Variants in CNTLN observed in about 807,000 individuals in gnomAD.
CNTLN encodes centlein, also known as centlein, centrosomal protein.
In CNTLN, 212 loss-of-function variants were observed where a neutral mutation model predicts 180.0. That is an observed-to-expected ratio of 1.18 (90% CI 1.05 to 1.32). The LOEUF (loss-of-function observed/expected upper bound fraction) is 1.32. CNTLN is among the 40% of genes most tolerant of loss of function. The pLI is 0.00. For synonymous variants in CNTLN, 722 were observed against 563.1 expected (o/e 1.28, Z -3.99); for missense variants, 2,095 against 1,610.9 (o/e 1.30, Z -5.14).
intron 2 of CNTLN, among the ~76,000 whole-genome samples, chr9:17,178,865 G>C (rs575270892): frequency 6.6e-6 from 1 of 152,290 alleles, no homozygotes; most frequent in Non-Finnish European, 1.5e-5. Flanking sequence ...CTCCTGAAGC[G>C]TGGCCAGAGT....
At chr9:17,403,453 C>T (rs1268232132) in intron 15 of CNTLN, among the ~76,000 whole-genome samples, 1 of 150,558 alleles carries the variant, frequency 6.6e-6, no homozygotes, top group Non-Finnish European at 1.5e-5. Flanking sequence ...TTGCAAATCC[C>T]AAAAAAAAGC....
chr9:17,253,354 G>C (rs368021735), intron 5 of CNTLN, among the ~76,000 whole-genome samples: 1 of 151,662 alleles, frequency 6.6e-6, no homozygotes, highest in African/African-American at 2.4e-5. Context: ...ATTGCTTTGG[G>C]CAGTTTGGTC....
chr9:17,409,142 C>T, intron 15 of CNTLN, 151 bp from the exon 16 acceptor site: 1 of 620,434 alleles, frequency 1.6e-6, no homozygotes, highest in South Asian at 2.1e-5. Flanking sequence ...GATTCATTTT[C>T]CCTTTCACAT....
chr9:17,294,478 T>C (rs1817653513), intron 6 of CNTLN, among the ~76,000 whole-genome samples: 1 of 151,616 alleles, frequency 6.6e-6, no homozygotes, highest in South Asian at 2.1e-4. Flanking sequence ...CCACAAACCC[T>C]GAGGTAGACA....
intron 5 of CNTLN, among the ~76,000 whole-genome samples, chr9:17,246,838 T>C (rs1825823950): frequency 6.6e-6 from 1 of 152,076 alleles, no homozygotes; most frequent in African/African-American, 2.4e-5. Flanking sequence ...GGCTCTTTAG[T>C]CAGCAGGAGA....
chr9:17,494,363 T>G (rs1404211524), intron 25 of CNTLN, among the ~76,000 whole-genome samples: 1 of 151,990 alleles, frequency 6.6e-6, no homozygotes, highest in Non-Finnish European at 1.5e-5. Flanking sequence ...AGCTGAAAAT[T>G]TTTTTTTAAT....
intron 7 of CNTLN, among the ~76,000 whole-genome samples, chr9:17,304,298 A>T (rs945141728): frequency 9.9e-5 from 15 of 152,154 alleles, no homozygotes; most frequent in Non-Finnish European, 1.8e-4. Context: ...AAATAAAAGT[A>T]ATCTAATGTG....
intron 19 of CNTLN, among the ~76,000 whole-genome samples, chr9:17,459,108 G>A (rs991279120): frequency 5.9e-5 from 9 of 151,618 alleles, no homozygotes; most frequent in Non-Finnish European, 7.4e-5. Context: ...GTCCAGTATT[G>A]TCTAATCTGA....
At chr9:17,380,645 G>A (rs974884860) in intron 13 of CNTLN, among the ~76,000 whole-genome samples, 4 of 152,168 alleles carry the variant, frequency 2.6e-5, no homozygotes, top group African/African-American at 9.7e-5. Flanking sequence ...GTTTGGCCAG[G>A]AGCTAGATTC....
chr9:17,334,078 G>C (rs964719828), intron 10 of CNTLN, among the ~76,000 whole-genome samples: 1 of 151,894 alleles, frequency 6.6e-6, no homozygotes, highest in African/African-American at 2.4e-5. Context: ...TCTTTCCCTT[G>C]AGACAGAGTC....
At chr9:17,316,614 A>G (rs1276492466) in intron 8 of CNTLN, among the ~76,000 whole-genome samples, 1 of 152,152 alleles carries the variant, frequency 6.6e-6, no homozygotes, top group Non-Finnish European at 1.5e-5. Flanking sequence ...TTGAAAAATC[A>G]TAAGGTAAAC....
intron 6 of CNTLN, among the ~76,000 whole-genome samples, chr9:17,290,535 A>G (rs1437673892): frequency 1.4e-5 from 2 of 142,890 alleles, no homozygotes; most frequent in African/African-American, 5.1e-5. Context: ...GGTGGGCTCC[A>G]CCCAGTTCGA....
At chr9:17,299,751 T>A in intron 7 of CNTLN, 1 of 978,710 alleles carries the variant, frequency 1.0e-6, no homozygotes, top group Non-Finnish European at 1.2e-6. Flanking sequence ...TTATTAATAC[T>A]TGTTAATTGT....
chr9:17,227,313 T>C (rs1165096352), intron 3 of CNTLN, among the ~76,000 whole-genome samples: 1 of 151,988 alleles, frequency 6.6e-6, no homozygotes, highest in Non-Finnish European at 1.5e-5. Context: ...CAATTACATA[T>C]AATTATATGT....
At position 17,387,516 on chromosome 9, in the gene CNTLN, T is replaced by A. The variant is rs547923464; in HGVS notation, c.1988-646T>A. Among the ~76,000 whole-genome samples the A allele has an allele frequency of 1.4e-3, 216 of 152,230 alleles. 1 individual carries two copies. The highest frequency in any genetic ancestry group is 5.0e-3 in the African/African-American group (206 of 41,540). ...TTAAGGTTGTTAAGTTACTTGTAGG[T>A]TTTGGCTTGGTTGAAAAGGTTTTGG... On this transcript the variant is annotated intron_variant, in intron 13 of 25. Coordinates refer to ENST00000380647, the MANE Select transcript of CNTLN (RefSeq NM_017738.4).
chr9:17,358,642 A>G (rs1414284305), intron 12 of CNTLN, among the ~76,000 whole-genome samples: 2 of 152,148 alleles, frequency 1.3e-5, no homozygotes, highest in African/African-American at 4.8e-5. Context: ...TATTTTCCAT[A>G]CTTTTTTAAT....
intron 15 of CNTLN, among the ~76,000 whole-genome samples, chr9:17,407,332 C>T (rs1827472458): frequency 6.6e-6 from 1 of 152,148 alleles, no homozygotes; most frequent in Non-Finnish European, 1.5e-5. Context: ...TTCTCAAAGC[C>T]AGTATGAGTT....
At chr9:17,412,727 A>C (rs1827945108) in intron 16 of CNTLN, among the ~76,000 whole-genome samples, 1 of 152,212 alleles carries the variant, frequency 6.6e-6, no homozygotes, top group Non-Finnish European at 1.5e-5. Flanking sequence ...TTTTTGATTT[A>C]TGATGTTTTC....
At chr9:17,139,599 G>A (rs999874999) in intron 1 of CNTLN, among the ~76,000 whole-genome samples, 2 of 151,852 alleles carry the variant, frequency 1.3e-5, no homozygotes, top group African/African-American at 4.8e-5. Flanking sequence ...GGCGAAGGTT[G>A]CAGTGCACTG....
Sources: allele counts gnomAD v4.1 joint callset (sites outside exome capture counted in the v4.1 genomes callset), GRCh38; gene constraint gnomAD v4.1.1; transcripts MANE v1.5; gene names NCBI Gene and HGNC (gene_info 2026-07-23, HGNC 2026-07-21).